The following FAM13B variants were observed in gnomAD, a reference collection of about 807,000 sequenced individuals.
FAM13B encodes the protein family with sequence similarity 13 member B, also known as protein FAM13B.
Under a neutral mutation model 117.3 loss-of-function variants are expected in FAM13B, and 60 were observed. The ratio of observed to expected loss-of-function variants is 0.51; its 90% CI spans 0.42 to 0.63. The LOEUF is 0.63. FAM13B is among the 30% of genes least tolerant of loss of function. FAM13B has a pLI of 0.00. For missense variants in FAM13B, 972 were observed against 1,091.9 expected (o/e 0.89, Z 1.55); for synonymous variants, 332 against 356.1 (o/e 0.93, Z 0.76).
At chr5:138,043,434 C>A (rs1211509281) in intron 1 of FAM13B, among the ~76,000 whole-genome samples, 1 of 148,534 alleles carries the variant, frequency 6.7e-6, no homozygotes, top group East Asian at 2.0e-4. Context: ...TCTTTTTTTT[C>A]TTTCTTTCTT....
At chr5:137,961,547 G>T (rs1768120754) in intron 11 of FAM13B, among the ~76,000 whole-genome samples, 1 of 152,186 alleles carries the variant, frequency 6.6e-6, no homozygotes, top group African/African-American at 2.4e-5. Flanking sequence ...TTCAGAGTAT[G>T]GGGAGGCTCC....
chr5:137,989,025 T>TA (rs1369029574), intron 7 of FAM13B, among the ~76,000 whole-genome samples: 2 of 152,198 alleles, frequency 1.3e-5, no homozygotes, highest in African/African-American at 4.8e-5. Flanking sequence ...AGGTAATTTT[T>TA]AAAAAATCAT....
chr5:138,006,644 T>A (rs1226429581), intron 7 of FAM13B, among the ~76,000 whole-genome samples: 3 of 152,252 alleles, frequency 2.0e-5, no homozygotes, highest in Admixed American at 6.5e-5. Flanking sequence ...CAACTAATTG[T>A]AGCCTGGAAA....
At chr5:137,954,868 C>T (rs540518587) in intron 14 of FAM13B, among the ~76,000 whole-genome samples, 2 of 152,150 alleles carry the variant, frequency 1.3e-5, no homozygotes, top group African/African-American at 4.8e-5. Flanking sequence ...GTGATCCTCC[C>T]ATCTCAGCCT....
chr5:138,046,961 G>C (rs1284014173), intron 1 of FAM13B, among the ~76,000 whole-genome samples: 3 of 151,840 alleles, frequency 2.0e-5, no homozygotes, highest in Non-Finnish European at 4.4e-5. Flanking sequence ...GGCCAGGCTG[G>C]TCTTGAACTC....
intron 13 of FAM13B, among the ~76,000 whole-genome samples, chr5:137,957,537 T>C (rs1766927510): frequency 1.7e-5 from 2 of 120,982 alleles, no homozygotes; most frequent in Admixed American, 9.3e-5. Context: ...CAAAACTCCG[T>C]CTCAAAAAAA....
intron 10 of FAM13B, among the ~76,000 whole-genome samples, chr5:137,972,888 A>G (rs906756084): frequency 6.6e-6 from 1 of 151,876 alleles, no homozygotes; most frequent in Non-Finnish European, 1.5e-5. Flanking sequence ...ATACCTAGGA[A>G]TCCAACTTAC....
intron 1 of FAM13B, among the ~76,000 whole-genome samples, chr5:138,024,680 G>A (rs998659488): frequency 6.6e-6 from 1 of 151,616 alleles, no homozygotes; most frequent in African/African-American, 2.4e-5. Flanking sequence ...TCAATAAAAT[G>A]TCGAGAAAGC....
chr5:137,976,727 C>T (rs777907801), intron 10 of FAM13B, among the ~76,000 whole-genome samples: 6 of 152,144 alleles, frequency 3.9e-5, no homozygotes, highest in Non-Finnish European at 7.4e-5. Flanking sequence ...CGCTTATCAC[C>T]TCCCCAATCA....
At chr5:137,957,698 C>A (rs1766989530) in intron 13 of FAM13B, among the ~76,000 whole-genome samples, 1 of 152,170 alleles carries the variant, frequency 6.6e-6, no homozygotes, top group Non-Finnish European at 1.5e-5. Context: ...GTGTCTGTAA[C>A]TGTCGGCTTT....
chr5:137,941,169 A>G (rs1201239512), intron 23 of FAM13B, among the ~76,000 whole-genome samples: 2 of 152,020 alleles, frequency 1.3e-5, no homozygotes, highest in African/African-American at 4.8e-5. Flanking sequence ...CAGCCTCCCA[A>G]AGTGCTGGTA....
At chr5:137,976,096 A>G (rs1034694295) in intron 10 of FAM13B, among the ~76,000 whole-genome samples, 1 of 149,288 alleles carries the variant, frequency 6.7e-6, no homozygotes, top group Non-Finnish European at 1.5e-5. Context: ...AGCTGGGACT[A>G]CAGGCGCCTG....
chr5:137,940,588 T>C (rs1376136011), intron 23 of FAM13B: 8 of 379,262 alleles, frequency 2.1e-5, no homozygotes, highest in Non-Finnish European at 3.7e-5. Flanking sequence ...ATAATCAACA[T>C]AGATAACTGG....
At chr5:138,011,340 A>G (rs997133767) in intron 5 of FAM13B, among the ~76,000 whole-genome samples, 191 bp from the exon 6 acceptor site, 2 of 152,218 alleles carry the variant, frequency 1.3e-5, no homozygotes, top group African/African-American at 4.8e-5. Context: ...AATCATATCT[A>G]CTATAAAAAA....
At chr5:138,049,276 T>A (rs1791730237) in intron 1 of FAM13B, among the ~76,000 whole-genome samples, 1 of 150,940 alleles carries the variant, frequency 6.6e-6, no homozygotes, top group African/African-American at 2.4e-5. Flanking sequence ...GTTTTTGTTT[T>A]TGTTTTTTCC....
intron 10 of FAM13B, among the ~76,000 whole-genome samples, chr5:137,972,447 A>G (rs1223440520): frequency 6.6e-6 from 1 of 151,250 alleles, no homozygotes; most frequent in Admixed American, 6.6e-5. Flanking sequence ...TTAGGTATTG[A>G]TGGGACGTAT....
At chr5:138,032,712 A>C (rs1790476965) in intron 1 of FAM13B, 70 bp downstream of exon 1, 2 of 985,340 alleles carry the variant, frequency 2.0e-6, no homozygotes, top group Non-Finnish European at 2.4e-6. Flanking sequence ...GGGGGGCAAC[A>C]GGAGGGGAAG....
chr5:138,005,461 GTA>G (rs1782303620), intron 7 of FAM13B, among the ~76,000 whole-genome samples: 1 of 96,094 alleles, frequency 1.0e-5, no homozygotes, highest in Non-Finnish European at 2.5e-5. Flanking sequence ...AACAACAAAG[GTA>G]TTTTTTTTTT....
In FAM13B at chr5:137,948,961, A is replaced by T. The variant is rs750314132; in HGVS notation, c.2154T>A (p.Asp718Glu). ...AATCATAGCTCAAGATTACCTTGAT[A>T]TCTTCTGGAAGACACCTCTCAATAC... ...EKRIERCLPE[D>E]IKKMTKDHLV... The change falls in exon 18 of 24, where the codon GAT becomes GAA. Residue 718 changes from aspartate to glutamate, a missense_variant. Asp to Glu is a conservative substitution (Grantham distance 45, BLOSUM62 2). Transcript: ENST00000689681. 6.2e-7 allele frequency: 1 copy of T among 1,612,316 alleles called. No individual in the cohort carries two copies. Among genetic ancestry groups the T allele is most frequent in the East Asian group, 2.2e-5 (1 of 44,864 alleles).
Sources: gnomAD v4.1 joint callset for allele counts (sites outside exome capture counted in the v4.1 genomes callset) on GRCh38, gnomAD v4.1.1 for gene constraint, MANE v1.5 for transcripts, NCBI Gene and HGNC (gene_info 2026-07-23, HGNC 2026-07-21) for gene names.